SORCS3: variants seen among roughly 807,000 people sequenced by gnomAD.
The protein encoded by SORCS3 is sortilin related VPS10 domain containing receptor 3.
In SORCS3, 57 loss-of-function variants were observed where a neutral mutation model predicts 146.3. The ratio of observed to expected loss-of-function variants is 0.39; its 90% CI spans 0.31 to 0.49. The LOEUF is 0.49. Among genes scored for constraint, SORCS3 ranks in the 20% least tolerant of loss-of-function variants. SORCS3 has a pLI of 0.92. For synonymous variants in SORCS3, 653 were observed against 618.5 expected (o/e 1.06, Z -0.83); for missense variants, 1,341 against 1,575.5 (o/e 0.85, Z 2.52).
rs116809731 is a variant in SORCS3 at position 105,043,146 on chromosome 10, A to C, written c.1028+18A>C. 6.2e-7 allele frequency: 1 copy of C among 1,605,100 alleles called. No individual in the cohort carries two copies. Among genetic ancestry groups the C allele is most frequent in the African/African-American group, 1.3e-5 (1 of 74,788 alleles). ...TTTTATTGGTAAGCCCTATCCACACACTCATTACTTCTTAGATAAAGAATT... is the reference window on the plus strand; with the variant it reads ...TTTTATTGGTAAGCCCTATCCACACCCTCATTACTTCTTAGATAAAGAATT... On this transcript the variant is annotated intron_variant, in intron 5 of 26. Coordinates refer to ENST00000369701, the MANE Select transcript of SORCS3 (RefSeq NM_014978.3).
chr10:104,920,722 G>A (rs2019078507), intron 3 of SORCS3, among the ~76,000 whole-genome samples: 1 of 152,214 alleles, frequency 6.6e-6, no homozygotes, highest in East Asian at 1.9e-4. Context: ...ATCACAGGCT[G>A]TGAGCAGGGT....
At position 104,977,923 on chromosome 10, in the gene SORCS3, G is replaced by C. The variant is rs553109918; in HGVS notation, c.954+430G>C. Among the ~76,000 whole-genome samples the C allele has an allele frequency of 2.6e-5, 4 of 151,632 alleles. No individual in the cohort carries two copies. The South Asian group carries it at 8.4e-4, about 32-fold the overall frequency. On this transcript the variant is annotated intron_variant, in intron 4 of 26. Coordinates refer to ENST00000369701, the MANE Select transcript of SORCS3 (RefSeq NM_014978.3). ...ATTTTTGTATTTTTAGTAGAGACGG[G>C]GTTTCACCAAGTTGGCCAGGATGGT...
chr10:104,749,760 T>C (rs1373577558), intron 1 of SORCS3, among the ~76,000 whole-genome samples: 1 of 152,230 alleles, frequency 6.6e-6, no homozygotes, highest in African/African-American at 2.4e-5. Context: ...CATGTCACTT[T>C]TCATTTTGTT....
intron 14 of SORCS3, among the ~76,000 whole-genome samples, chr10:105,192,640 T>A (rs1366117334): frequency 6.6e-6 from 1 of 152,166 alleles, no homozygotes; most frequent in Non-Finnish European, 1.5e-5. Context: ...TTATCTTAGT[T>A]GAGTTTGATC....
At chr10:105,187,768 G>C (rs1327914410) in intron 14 of SORCS3, among the ~76,000 whole-genome samples, 2 of 152,132 alleles carry the variant, frequency 1.3e-5, no homozygotes, top group African/African-American at 4.8e-5. Flanking sequence ...TCAACAATAC[G>C]TATCGATAGC....
chr10:104,752,660 T>C (rs759800022), intron 1 of SORCS3, among the ~76,000 whole-genome samples: 2 of 152,204 alleles, frequency 1.3e-5, no homozygotes, highest in Non-Finnish European at 2.9e-5. Context: ...TGTGCAGTGA[T>C]TAAAATATAA....
chr10:104,670,072 G>T (rs1012534950), intron 1 of SORCS3, among the ~76,000 whole-genome samples: 1 of 151,944 alleles, frequency 6.6e-6, no homozygotes, highest in African/African-American at 2.4e-5. Flanking sequence ...AAATTGAGTT[G>T]CTTGTTTTGT....
At chr10:105,046,551 GT>G (rs2055373062) in intron 5 of SORCS3, among the ~76,000 whole-genome samples, 1 of 152,072 alleles carries the variant, frequency 6.6e-6, no homozygotes, top group South Asian at 2.1e-4. Flanking sequence ...TGTTGTAATG[GT>G]TGTTAGAATA....
chr10:105,139,544 G>C (rs1430446591), intron 8 of SORCS3, 58 bp downstream of exon 8: 36 of 1,377,436 alleles, frequency 2.6e-5, no homozygotes, highest in Non-Finnish European at 3.7e-5. Context: ...GGGTTGGAGA[G>C]GCTGCTTTGT....
intron 1 of SORCS3, among the ~76,000 whole-genome samples, chr10:104,820,013 G>T (rs1873309): frequency 0.11 from 16,101 of 152,224 alleles, 1,054 homozygotes; most frequent in Middle Eastern, 0.14. Flanking sequence ...TCTTGAGGAT[G>T]TTGGGTTTAC....
At chr10:105,190,397 G>T (rs534856159) in intron 14 of SORCS3, among the ~76,000 whole-genome samples, 165 of 152,226 alleles carry the variant, frequency 1.1e-3, no homozygotes, top group Non-Finnish European at 2.1e-3. Context: ...ACTAATATTA[G>T]TAATATTAAT....
chr10:104,911,489 G>T (rs2018967009), intron 2 of SORCS3, among the ~76,000 whole-genome samples: 1 of 152,236 alleles, frequency 6.6e-6, no homozygotes, highest in South Asian at 2.1e-4. Flanking sequence ...TATCTTTTGT[G>T]AGAGTTATTT....
chr10:104,734,646 A>G (rs972485396), intron 1 of SORCS3, among the ~76,000 whole-genome samples: 37 of 152,298 alleles, frequency 2.4e-4, no homozygotes, highest in African/African-American at 8.9e-4. Flanking sequence ...AGAATGAGTC[A>G]TGAGGGATCC....
chr10:104,822,419 A>G (rs1168036466), intron 1 of SORCS3, among the ~76,000 whole-genome samples: 2 of 152,224 alleles, frequency 1.3e-5, no homozygotes, highest in Non-Finnish European at 2.9e-5. Flanking sequence ...AAAAGGAAGG[A>G]CAAGGAGATA....
At chr10:105,124,039 C>G (rs1033955791) in intron 7 of SORCS3, among the ~76,000 whole-genome samples, 1 of 152,196 alleles carries the variant, frequency 6.6e-6, no homozygotes, top group African/African-American at 2.4e-5. Flanking sequence ...GATCTCATGA[C>G]TGGCGGATCC....
intron 4 of SORCS3, among the ~76,000 whole-genome samples, chr10:104,983,094 G>A (rs181129589): frequency 3.7e-4 from 56 of 152,062 alleles, no homozygotes; most frequent in South Asian, 3.5e-3. Flanking sequence ...CCATCTCCTC[G>A]ATTCAAGCGA....
intron 1 of SORCS3, among the ~76,000 whole-genome samples, chr10:104,838,859 A>G (rs977338845): frequency 2.6e-5 from 4 of 151,458 alleles, no homozygotes; most frequent in African/African-American, 9.7e-5. Context: ...GGGGTGGGCC[A>G]TGGAATCAGC....
chr10:105,213,832 T>C (rs1480539173), intron 17 of SORCS3, among the ~76,000 whole-genome samples: 1 of 151,156 alleles, frequency 6.6e-6, no homozygotes, highest in East Asian at 1.9e-4. Context: ...ATCTGGAGTT[T>C]ATGCTGAGTG....
At chr10:104,990,773 T>C (rs74155082) in intron 4 of SORCS3, among the ~76,000 whole-genome samples, 6,122 of 152,276 alleles carry the variant, frequency 0.04, 177 homozygotes, top group East Asian at 0.15. Flanking sequence ...GAGGTTGCTC[T>C]GAGCTCTTTG....
Sources: gnomAD v4.1 joint callset for allele counts (sites outside exome capture counted in the v4.1 genomes callset) on GRCh38, gnomAD v4.1.1 for gene constraint, MANE v1.5 for transcripts, NCBI Gene and HGNC (gene_info 2026-07-23, HGNC 2026-07-21) for gene names.